OLFM3: variants seen among roughly 807,000 people sequenced by gnomAD.
OLFM3 encodes the protein noelin-3.
In OLFM3, 20 loss-of-function variants were observed where a neutral mutation model predicts 48.6. The ratio of observed to expected loss-of-function variants is 0.41; its 90% CI spans 0.29 to 0.60. The LOEUF (loss-of-function observed/expected upper bound fraction) is 0.60, where lower values mean the gene tolerates loss of function less well. Ranked by LOEUF, OLFM3 falls within the 20% of genes least tolerant of loss-of-function variation. The probability of loss-of-function intolerance (pLI) is 0.28; values close to 1 mark genes in which losing one functional copy is unlikely to be tolerated. For missense variants in OLFM3, 437 were observed against 544.3 expected, an observed-to-expected ratio of 0.80 and a Z score of 1.96; for synonymous variants, 222 against 198.1, an observed-to-expected ratio of 1.12 and a Z score of -1.01.
At chr1:101,907,593 T>A (rs912656334) in intron 1 of OLFM3, among the ~76,000 whole-genome samples, 1 of 152,244 alleles carries the variant, frequency 6.6e-6, no homozygotes. Flanking sequence ...TGTCAGAGTA[T>A]GTTCCAAATT....
intron 1 of OLFM3, among the ~76,000 whole-genome samples, chr1:101,864,025 C>A (rs941610145): frequency 6.6e-6 from 1 of 152,138 alleles, no homozygotes; most frequent in African/African-American, 2.4e-5. Context: ...TTAGAGGGCG[C>A]CAGTGCCTCT....
At chr1:101,908,825 C>T (rs779949080) in intron 1 of OLFM3, among the ~76,000 whole-genome samples, 6 of 152,058 alleles carry the variant, frequency 3.9e-5, no homozygotes, top group Non-Finnish European at 8.8e-5. Flanking sequence ...TGCCACAAGC[C>T]GAGGAATGCC....
At chr1:101,877,494 C>T (rs1401716157) in intron 1 of OLFM3, among the ~76,000 whole-genome samples, 1 of 151,878 alleles carries the variant, frequency 6.6e-6, no homozygotes, top group Non-Finnish European at 1.5e-5. Context: ...AGCTATATTT[C>T]CAAAACAACA....
intron 1 of OLFM3, among the ~76,000 whole-genome samples, chr1:101,979,952 G>A (rs947842563): frequency 6.6e-6 from 1 of 151,524 alleles, no homozygotes; most frequent in African/African-American, 2.4e-5. Context: ...GCATCAGCAT[G>A]ACCTGGATGT....
chr1:101,953,872 AG>A (rs1321036578), intron 1 of OLFM3, among the ~76,000 whole-genome samples: 2 of 152,154 alleles, frequency 1.3e-5, no homozygotes, highest in African/African-American at 4.8e-5. Context: ...TGACAAATAT[AG>A]ATTCATGTTA....
At chr1:101,990,546 T>C (rs1401366891) in intron 1 of OLFM3, among the ~76,000 whole-genome samples, 1 of 152,210 alleles carries the variant, frequency 6.6e-6, no homozygotes, top group African/African-American at 2.4e-5. Flanking sequence ...TCAGACATGT[T>C]AACTCACTAC....
At chr1:101,830,546 C>A (rs1012606555) in intron 3 of OLFM3, 126 bp downstream of exon 3, 6 of 951,348 alleles carry the variant, frequency 6.3e-6, no homozygotes, top group Non-Finnish European at 8.2e-6. Flanking sequence ...TGACTGAAAT[C>A]CCCCATGAGT....
At chr1:101,972,807 A>G (rs1660844711) in intron 1 of OLFM3, among the ~76,000 whole-genome samples, 1 of 152,172 alleles carries the variant, frequency 6.6e-6, no homozygotes, top group South Asian at 2.1e-4. Flanking sequence ...CCCTCCTCTC[A>G]CTTGTGGAGT....
intron 1 of OLFM3, among the ~76,000 whole-genome samples, chr1:101,963,570 A>T (rs1029163540): frequency 6.6e-6 from 1 of 151,788 alleles, no homozygotes; most frequent in Non-Finnish European, 1.5e-5. Context: ...TGTCTCCATC[A>T]TTTTTGTTTC....
At chr1:101,994,757 T>C (rs1432521096) in intron 1 of OLFM3, among the ~76,000 whole-genome samples, 2 of 151,900 alleles carry the variant, frequency 1.3e-5, no homozygotes, top group Admixed American at 6.6e-5. Flanking sequence ...AGAACAAATA[T>C]CGTCTTTTAA....
At position 101,931,948 on chromosome 1, in the gene OLFM3, T is replaced by G. The variant is rs187946402; in HGVS notation, c.69+64800A>C. Among the ~76,000 whole-genome samples, 871 of 152,292 alleles carry G rather than the reference T, an allele frequency of 5.7e-3. 32 individuals carry two copies. Among genetic ancestry groups the G allele is most frequent in the Admixed American group, 0.054 (823 of 15,290 alleles). Reference sequence around the variant, plus strand: ...CTCATCTTGTTCTCACATGATCAACTAAAGGTGACCTACAATAATGAAATA... The same window carrying G: ...CTCATCTTGTTCTCACATGATCAACGAAAGGTGACCTACAATAATGAAATA... On this transcript the variant is annotated intron_variant, in intron 1 of 5. Coordinates refer to ENST00000370103, the MANE Select transcript of OLFM3 (RefSeq NM_058170.4).
intron 4 of OLFM3, among the ~76,000 whole-genome samples, chr1:101,823,149 T>C (rs1214193836): frequency 1.3e-5 from 2 of 152,012 alleles, no homozygotes; most frequent in Admixed American, 6.6e-5. Flanking sequence ...CATTGGAAGA[T>C]ACAACATGTA....
chr1:101,868,767 G>T (rs1316591759), intron 1 of OLFM3, among the ~76,000 whole-genome samples: 1 of 152,216 alleles, frequency 6.6e-6, no homozygotes, highest in Non-Finnish European at 1.5e-5. Context: ...CTGGGCCCAG[G>T]CTTCCCCTTC....
chr1:101,990,243 A>G (rs1661361521), intron 1 of OLFM3, among the ~76,000 whole-genome samples: 2 of 152,186 alleles, frequency 1.3e-5, no homozygotes, highest in Admixed American at 1.3e-4. Context: ...GACCAAAATG[A>G]TGGGCTGGTT....
rs569997715 is a variant in OLFM3, at chr1:101,978,121, AAT to A, written c.69+18625_69+18626del. Among the ~76,000 whole-genome samples, 187 of 152,250 alleles carry A rather than the reference AAT, an allele frequency of 1.2e-3. 1 individual carries two copies. Among genetic ancestry groups the A allele is most frequent in the Non-Finnish European group, 1.2e-3 (80 of 67,964 alleles). On this transcript the variant is annotated intron_variant, in intron 1 of 5. Coordinates refer to ENST00000370103, the MANE Select transcript of OLFM3 (RefSeq NM_058170.4). ...ATGCCAGGCAGTGGATTCTGTTCAA[AAT>A]GTTATGTGATTTCATGTTTATGTAG...
chr1:101,953,757 G>C (rs1451673007), intron 1 of OLFM3, among the ~76,000 whole-genome samples: 1 of 152,134 alleles, frequency 6.6e-6, no homozygotes, highest in Non-Finnish European at 1.5e-5. Context: ...ACATACTTTT[G>C]TGAGCAGGTA....
chr1:101,978,099 C>T (rs1441454387), intron 1 of OLFM3, among the ~76,000 whole-genome samples: 1 of 152,002 alleles, frequency 6.6e-6, no homozygotes, highest in African/African-American at 2.4e-5. Context: ...TTACTAAATG[C>T]CAGGCAGTGG....
At chr1:101,921,068 G>A (rs1034511712) in intron 1 of OLFM3, among the ~76,000 whole-genome samples, 3 of 151,998 alleles carry the variant, frequency 2.0e-5, no homozygotes. Context: ...ATTTCACTCA[G>A]TATTTTAAAG....
At chr1:101,923,789 C>T (rs964751539) in intron 1 of OLFM3, among the ~76,000 whole-genome samples, 1 of 152,098 alleles carries the variant, frequency 6.6e-6, no homozygotes, top group African/African-American at 2.4e-5. Flanking sequence ...GTTACAGTTA[C>T]AGTGGTTTCC....
Sources: allele counts gnomAD v4.1 joint callset (sites outside exome capture counted in the v4.1 genomes callset), GRCh38; gene constraint gnomAD v4.1.1; transcripts MANE v1.5; gene names NCBI Gene and HGNC (gene_info 2026-07-23, HGNC 2026-07-21).